The following ATP11A variants were observed in gnomAD, a reference collection of about 807,000 sequenced individuals.
ATP11A encodes the protein ATPase phospholipid transporting 11A, also known as phospholipid-transporting ATPase IH.
In ATP11A, 81 loss-of-function variants were observed where a neutral mutation model predicts 154.4. The ratio of observed to expected loss-of-function variants is 0.52; its 90% CI spans 0.44 to 0.63. The LOEUF (loss-of-function observed/expected upper bound fraction) is 0.63, where lower values mean the gene tolerates loss of function less well. ATP11A is among the 30% of genes least tolerant of loss of function. ATP11A has a pLI of 0.00. For synonymous variants in ATP11A, 623 were observed against 585.9 expected (o/e 1.06, Z -0.91); for missense variants, 1,316 against 1,474.3 (o/e 0.89, Z 1.76).
At chr13:112,812,880 G>A (rs74648610) in intron 5 of ATP11A, among the ~76,000 whole-genome samples, 1,567 of 152,294 alleles carry the variant, frequency 0.01, 38 homozygotes, top group East Asian at 0.055. Flanking sequence ...GCAGGCATCC[G>A]GTCCCAGGCC....
intron 1 of ATP11A, among the ~76,000 whole-genome samples, chr13:112,711,201 A>T (rs541122161): frequency 4.0e-5 from 6 of 151,548 alleles, no homozygotes; most frequent in African/African-American, 7.3e-5. Context: ...AGAGCCATTT[A>T]AAAAAAAATG....
chr13:112,809,428 G>T (rs760012309), intron 4 of ATP11A, among the ~76,000 whole-genome samples: 1 of 152,174 alleles, frequency 6.6e-6, no homozygotes, highest in Non-Finnish European at 1.5e-5. Context: ...GGCCACTGAT[G>T]CCGCCACGTG....
intron 1 of ATP11A, among the ~76,000 whole-genome samples, chr13:112,743,251 C>T (rs1204763231): frequency 6.6e-6 from 1 of 152,220 alleles, no homozygotes; most frequent in Non-Finnish European, 1.5e-5. Flanking sequence ...TGGCTGTATT[C>T]AATAGCATTG....
At chr13:112,808,532 G>A (rs1397035189) in intron 4 of ATP11A, among the ~76,000 whole-genome samples, 1 of 140,682 alleles carries the variant, frequency 7.1e-6, no homozygotes, top group African/African-American at 2.7e-5. Flanking sequence ...TGGGAACAGC[G>A]CCTCTGTCCG....
At chr13:112,862,416 G>C (rs372765741) in intron 24 of ATP11A, 24 bp from the exon 25 acceptor site, 3 of 1,612,384 alleles carry the variant, frequency 1.9e-6, no homozygotes, top group Non-Finnish European at 2.5e-6. Flanking sequence ...GAGGACACAC[G>C]CTGTGCACCT....
chr13:112,776,341 C>T (rs536238452), intron 1 of ATP11A, among the ~76,000 whole-genome samples: 4 of 152,282 alleles, frequency 2.6e-5, no homozygotes, highest in African/African-American at 9.6e-5. Flanking sequence ...TCCATGCTGC[C>T]TGCTCCGTCC....
At chr13:112,757,982 G>A (rs1440034879) in intron 1 of ATP11A, among the ~76,000 whole-genome samples, 1 of 152,238 alleles carries the variant, frequency 6.6e-6, no homozygotes, top group Non-Finnish European at 1.5e-5. Flanking sequence ...CTTCCAGGGA[G>A]TCCACGCCAC....
rs188926616 is a variant in ATP11A, at chr13:112,739,988, C to T, written c.40-45147C>T. On this transcript the variant is annotated intron_variant, in intron 1 of 29. Coordinates refer to ENST00000375645, the MANE Select transcript of ATP11A (RefSeq NM_015205.3). Reference sequence around the variant, plus strand: ...GGGGCTGGGGGAGGGGGCGTGGGAGCGACTGTAGGTCTTGTGCCTTCTTGG... The same window carrying T: ...GGGGCTGGGGGAGGGGGCGTGGGAGTGACTGTAGGTCTTGTGCCTTCTTGG... Among the ~76,000 whole-genome samples the T allele has an allele frequency of 2.5e-4, 38 of 152,006 alleles. 1 individual carries two copies. The East Asian group carries it at 5.2e-3, about 21-fold the overall frequency.
In ATP11A at chr13:112,882,125, G is replaced by C. The variant is rs1352359615; in HGVS notation, c.*259G>C. 1 of 1,334,324 alleles carries C rather than the reference G, an allele frequency of 7.5e-7. No individual in the cohort carries two copies. Among genetic ancestry groups the C allele is most frequent in the East Asian group, 4.6e-5 (1 of 21,622 alleles). 82.7% of individuals were successfully genotyped at this position (1,334,324 alleles called of 1,614,324 possible). A position where few individuals can be genotyped will look rare whatever the true frequency, so the allele number is the denominator to read the frequency against. On this transcript the variant is annotated 3_prime_UTR_variant, in exon 30 of 30. Transcript: ENST00000375645. The surrounding 1 kb of genome is among the most constrained non-coding windows in gnomAD (Gnocchi z 5.1). Reference sequence around the variant, plus strand: ...CCTCTTCCTGGCCCCCAGCAGGCAAGGAGGGGGGTCACAGGCCTTGCCCTC... The same window carrying C: ...CCTCTTCCTGGCCCCCAGCAGGCAACGAGGGGGGTCACAGGCCTTGCCCTC...
At chr13:112,837,952 C>T (rs976294143) in intron 16 of ATP11A, among the ~76,000 whole-genome samples, 5 of 152,038 alleles carry the variant, frequency 3.3e-5, no homozygotes, top group African/African-American at 1.2e-4. Flanking sequence ...TGCCGCCTGC[C>T]TTCGCTGGTT....
chr13:112,735,385 A>G (rs1205276674), intron 1 of ATP11A, among the ~76,000 whole-genome samples: 3 of 152,184 alleles, frequency 2.0e-5, no homozygotes, highest in Non-Finnish European at 4.4e-5. Flanking sequence ...GCTGTTTCCA[A>G]TTGCCTGAGC....
At position 112,855,297 on chromosome 13, in the gene ATP11A, G is replaced by T. The variant is rs532254638; in HGVS notation, c.2244-614G>T. On this transcript the variant is annotated intron_variant, in intron 19 of 29. Coordinates refer to ENST00000375645, the MANE Select transcript of ATP11A (RefSeq NM_015205.3). ...GCTCACTGTGACCTCCGCCTCCCAGGTTCAAACAATTCTCCTGCCTCAGCT... is the reference window on the plus strand; with the variant it reads ...GCTCACTGTGACCTCCGCCTCCCAGTTTCAAACAATTCTCCTGCCTCAGCT... Among the ~76,000 whole-genome samples the T allele has an allele frequency of 1.4e-4, 21 of 152,248 alleles. No homozygotes were observed. In the East Asian group the frequency reaches 3.7e-3, roughly 27 times the overall value.
intron 24 of ATP11A, chr13:112,860,840 A>C (rs1484284016): frequency 1.3e-5 from 2 of 155,134 alleles, no homozygotes; most frequent in Non-Finnish European, 2.9e-5. Context: ...TTTTTTAAAA[A>C]TAATATGGAA....
rs1415468902 is a variant in ATP11A at position 112,785,367 on chromosome 13, C to G, written c.162+110C>G. 3 of 1,214,860 alleles carry G rather than the reference C, an allele frequency of 2.5e-6. No individual in the cohort carries two copies. Among genetic ancestry groups the G allele is most frequent in the African/African-American group, 1.6e-5 (1 of 64,174 alleles). The allele number at this position is 1,214,860 out of a possible 1,614,324, so 75.3% of individuals were successfully genotyped here. ...GGCTCTGCTCCTGGCCCTGCTGTCA[C>G]AGCCACCAGCCACCCCCAGCAAGGG... is the stretch of plus-strand genomic sequence containing the variant. On this transcript the variant is annotated intron_variant, in intron 2 of 29. Coordinates refer to ENST00000375645, the MANE Select transcript of ATP11A (RefSeq NM_015205.3). This position sits in a 1 kb window ranked among gnomAD's most constrained non-coding sequence, Gnocchi z 4.8.
chr13:112,820,620 G>A (rs1039277376), intron 8 of ATP11A, among the ~76,000 whole-genome samples: 2 of 152,218 alleles, frequency 1.3e-5, no homozygotes, highest in Non-Finnish European at 2.9e-5. Context: ...GCTCTGAGCA[G>A]CACCCACCTC....
chr13:112,815,127 C>T (rs1231147285), intron 5 of ATP11A, among the ~76,000 whole-genome samples: 1 of 152,210 alleles, frequency 6.6e-6, no homozygotes, highest in Non-Finnish European at 1.5e-5. Flanking sequence ...TTCTGATGAT[C>T]GTTTCCCCTT....
Position 112,728,811 on chromosome 13 carries a change from A to T in ATP11A, c.39+38356A>T, listed in dbSNP as rs572764466. Among the ~76,000 whole-genome samples, 3 of 152,278 alleles carry T rather than the reference A, an allele frequency of 2.0e-5. No homozygotes were observed. In the East Asian group the frequency reaches 5.8e-4, roughly 30 times the overall value. On this transcript the variant is annotated intron_variant, in intron 1 of 29. Transcript: ENST00000375645. Reference sequence around the variant, plus strand: ...TCTCCTTGTCTATCTTGATATAGTTATGGACTGATTGGATTTATGGAATGG... The same window carrying T: ...TCTCCTTGTCTATCTTGATATAGTTTTGGACTGATTGGATTTATGGAATGG...
chr13:112,806,124 T>C, intron 3 of ATP11A, 89 bp from the exon 4 acceptor site: 1 of 895,556 alleles, frequency 1.1e-6, no homozygotes. Context: ...TCAAAGCGAA[T>C]GGGAAGTGCT....
rs1223907490 is a variant in ATP11A, at chr13:112,838,155, T to G, written c.1705+1904T>G. On this transcript the variant is annotated intron_variant, in intron 16 of 29. Coordinates refer to ENST00000375645, the MANE Select transcript of ATP11A (RefSeq NM_015205.3). This position sits in a 1 kb window ranked among gnomAD's most constrained non-coding sequence, Gnocchi z 7.3. ...ACCGTGGGATCAGCAGGACAGGGTC[T>G]GAGAACAGGTTCAGATGCGCGAGAC... 1.3e-5 allele frequency among the ~76,000 whole-genome samples: 2 copies of G among 152,156 alleles called. No homozygotes were observed. The highest frequency in any genetic ancestry group is 3.8e-4 in the East Asian group (2 of 5,198).
Sources: gnomAD v4.1 joint callset for allele counts (sites outside exome capture counted in the v4.1 genomes callset) on GRCh38, gnomAD v4.1.1 for gene constraint, Gnocchi (gnomAD v3.1) non-coding constraint, MANE v1.5 for transcripts, NCBI Gene and HGNC (gene_info 2026-07-23, HGNC 2026-07-21) for gene names.